ARHGEF10L: variants seen among roughly 807,000 people sequenced by gnomAD.
ARHGEF10L encodes Rho guanine nucleotide exchange factor 10 like.
A neutral mutation model predicts 141.2 loss-of-function variants in ARHGEF10L; 69 were observed. That is an observed-to-expected ratio of 0.49 (90% CI 0.40 to 0.60). The LOEUF (loss-of-function observed/expected upper bound fraction) is 0.60. Among genes scored for constraint, ARHGEF10L ranks in the 20% least tolerant of loss-of-function variants. The pLI is 0.00. For missense variants in ARHGEF10L, 1,482 were observed against 1,734.3 expected (o/e 0.85, Z 2.58); for synonymous variants, 711 against 718.5 (o/e 0.99, Z 0.17).
At chr1:17,545,702 A>G (rs993844943) in intron 1 of ARHGEF10L, among the ~76,000 whole-genome samples, 2 of 152,198 alleles carry the variant, frequency 1.3e-5, no homozygotes, top group African/African-American at 4.8e-5. Context: ...TGACCTGTCC[A>G]TATGGATTCA....
intron 9 of ARHGEF10L, among the ~76,000 whole-genome samples, chr1:17,617,039 G>A (rs1273433951): frequency 6.6e-6 from 1 of 152,182 alleles, no homozygotes; most frequent in Non-Finnish European, 1.5e-5. Context: ...AATAGGCACA[G>A]AGAGGTTGTG....
chr1:17,571,949 C>T (rs2078019687), intron 1 of ARHGEF10L, among the ~76,000 whole-genome samples: 1 of 152,270 alleles, frequency 6.6e-6, no homozygotes, highest in Admixed American at 6.5e-5. Context: ...TCCCTTCCCT[C>T]CTTACCCCAT....
chr1:17,622,939 C>T, intron 11 of ARHGEF10L, 57 bp from the exon 12 acceptor site: 1 of 1,547,690 alleles, frequency 6.5e-7, no homozygotes, highest in Non-Finnish European at 8.7e-7. Context: ...TGCATGAGGG[C>T]AGGTAGGGAG....
chr1:17,697,066 C>T lies in ARHGEF10L; in HGVS notation c.3526C>T (p.Arg1176Cys), dbSNP rs779933607. 59 of 1,604,376 alleles carry T rather than the reference C, an allele frequency of 3.7e-5. No homozygotes were observed. Among genetic ancestry groups the T allele is most frequent in the Non-Finnish European group, 4.9e-5 (57 of 1,174,614 alleles). Reference protein sequence around the residue: ...TRKKGILLQYRLRSTAHLPGP... With the variant: ...TRKKGILLQYCLRSTAHLPGP... ...CAAGAAGGGCATCCTCTTGCAGTACCGCCTGCGCTCCACCGCACACCTCCC... is the reference window on the plus strand; with the variant it reads ...CAAGAAGGGCATCCTCTTGCAGTACTGCCTGCGCTCCACCGCACACCTCCC... The change falls in exon 29 of 29, where the codon CGC becomes TGC. Residue 1176 changes from arginine to cysteine, a missense_variant. Transcript: ENST00000361221. The surrounding 1 kb of genome is among the most constrained non-coding windows in gnomAD (Gnocchi z 4.8).
At chr1:17,574,980 A>G (rs1337524242) in intron 1 of ARHGEF10L, among the ~76,000 whole-genome samples, 1 of 152,172 alleles carries the variant, frequency 6.6e-6, no homozygotes, top group Admixed American at 6.5e-5. Flanking sequence ...CCGAAGCCCC[A>G]CACAAGCAGC....
At chr1:17,518,618 C>T in the ARHGEF10L span, among the ~76,000 whole-genome samples, 1 of 151,138 alleles carries the variant, frequency 6.6e-6, no homozygotes, top group Non-Finnish European at 1.5e-5. Flanking sequence ...ATGGTGAAAC[C>T]CCGTCTCTAT....
chr1:17,687,867 T>A, intron 27 of ARHGEF10L, 120 bp downstream of exon 27: 1 of 1,118,014 alleles, frequency 8.9e-7, no homozygotes, highest in Non-Finnish European at 1.2e-6. Flanking sequence ...ACTGGGGCTT[T>A]AATTTGGGGC....
chr1:17,599,060 C>G (rs542492141), intron 4 of ARHGEF10L, among the ~76,000 whole-genome samples: 5 of 152,168 alleles, frequency 3.3e-5, no homozygotes, highest in African/African-American at 1.2e-4. Flanking sequence ...ATTAAATGTG[C>G]AGGTCGGGCT....
In ARHGEF10L at chr1:17,655,977, T is replaced by C; in HGVS notation, c.2580T>C (p.Pro860=). 3 of 1,566,402 alleles carry C rather than the reference T, an allele frequency of 1.9e-6. No individual in the cohort carries two copies. Among genetic ancestry groups the C allele is most frequent in the Middle Eastern group, 1.8e-4 (1 of 5,446 alleles). ...RTVKSFPLAA[P]VLCMEYIPEL... ...TCAAGTCCTTCCCACTGGCAGCCCCTGTGCTCTGCATGGAGTATATCCCGG... is the reference window on the plus strand; with the variant it reads ...TCAAGTCCTTCCCACTGGCAGCCCCCGTGCTCTGCATGGAGTATATCCCGG... Residue 860 remains proline, a synonymous_variant, in exon 24 of 29, where the codon CCT becomes CCC. Transcript: ENST00000361221.
At chr1:17,569,583 T>C (rs2077905332) in intron 1 of ARHGEF10L, among the ~76,000 whole-genome samples, 1 of 152,142 alleles carries the variant, frequency 6.6e-6, no homozygotes, top group South Asian at 2.1e-4. Context: ...CAGACAGAGA[T>C]TGGGCCTGAA....
the ARHGEF10L span, among the ~76,000 whole-genome samples, chr1:17,514,347 G>T: frequency 5.3e-5 from 8 of 151,876 alleles, no homozygotes; most frequent in Non-Finnish European, 1.0e-4. Context: ...TGTTGGCCAG[G>T]CTGGTCTTGA....
At chr1:17,691,209 C>T (rs871089) in intron 27 of ARHGEF10L, 373,077 of 436,206 alleles carry the variant, frequency 0.86, 159,881 homozygotes, top group East Asian at 0.91. Context: ...TGAACACTGC[C>T]GCATTAAGTC....
At chr1:17,554,371 TG>T (rs2077224038) in intron 1 of ARHGEF10L, among the ~76,000 whole-genome samples, 1 of 151,984 alleles carries the variant, frequency 6.6e-6, no homozygotes, top group South Asian at 2.1e-4. Context: ...AGGATGCGGC[TG>T]GCAGGGAGGG....
chr1:17,674,733 T>C (rs1353193452), intron 26 of ARHGEF10L, among the ~76,000 whole-genome samples: 1 of 152,222 alleles, frequency 6.6e-6, no homozygotes, highest in Admixed American at 6.5e-5. Flanking sequence ...ATGATGGTCC[T>C]ATACGATTAC....
In ARHGEF10L at chr1:17,656,076, C is replaced by G; in HGVS notation, c.2679C>G (p.Thr893=). 1 of 1,556,594 alleles carries G rather than the reference C, an allele frequency of 6.4e-7. No homozygotes were observed. The highest frequency in any genetic ancestry group is 1.2e-5 in the South Asian group (1 of 84,400). Reference sequence around the variant, plus strand: ...ACCCCTCGGCCACGGTGCATCCAACCATCTGCCTCGGGCTCCAGGATGGCA... The same window carrying G: ...ACCCCTCGGCCACGGTGCATCCAACGATCTGCCTCGGGCTCCAGGATGGCA... The part of the protein sequence containing the change: ...VADPSATVHP[T]ICLGLQDGSI... Residue 893 remains threonine, a synonymous_variant, in exon 24 of 29, where the codon ACC becomes ACG. Transcript: ENST00000361221. The surrounding 1 kb of genome is among the most constrained non-coding windows in gnomAD (Gnocchi z 4.9).
chr1:17,639,615 C>T lies in ARHGEF10L; in HGVS notation c.2172-587C>T. On this transcript the variant is annotated intron_variant, in intron 20 of 28. Coordinates refer to ENST00000361221, the MANE Select transcript of ARHGEF10L (RefSeq NM_018125.4). The surrounding 1 kb of genome is among the most constrained non-coding windows in gnomAD (Gnocchi z 4.3). ...CACCCTAGAGGCTTGTGACACTGCCCTGCCCACCTCCCAAAGGGCTGGGAA... is the reference window on the plus strand; with the variant it reads ...CACCCTAGAGGCTTGTGACACTGCCTTGCCCACCTCCCAAAGGGCTGGGAA... 2.8e-6 allele frequency: 1 copy of T among 363,276 alleles called. No individual in the cohort carries two copies. The highest frequency in any genetic ancestry group is 2.1e-5 in the South Asian group (1 of 48,564). 22.5% of individuals were successfully genotyped at this position (363,276 alleles called of 1,614,324 possible). A position where few individuals can be genotyped will look rare whatever the true frequency, so the allele number is the denominator to read the frequency against.
At chr1:17,667,063 G>A (rs2063029961) in intron 26 of ARHGEF10L, among the ~76,000 whole-genome samples, 3 of 152,184 alleles carry the variant, frequency 2.0e-5, no homozygotes, top group Admixed American at 1.3e-4. Flanking sequence ...CCTCACAGCA[G>A]GTCTGACTGC....
chr1:17,588,397 G>A (rs1346070980), intron 3 of ARHGEF10L, 49 bp from the exon 4 acceptor site: 16 of 1,608,928 alleles, frequency 9.9e-6, no homozygotes, highest in Admixed American at 8.3e-5. Context: ...CTGAGTGCCT[G>A]GGGCCAGCCT....
In ARHGEF10L at chr1:17,664,670, G is replaced by A. The variant is rs557507973; in HGVS notation, c.3009+75G>A. ...GCTGACCCTTTCTTATGTCCACCCC[G>A]GCACCGCTTTCAGCTCCCAGTGGCA... On this transcript the variant is annotated intron_variant, in intron 26 of 28. Transcript: ENST00000361221. 16 of 1,406,908 alleles carry A rather than the reference G, an allele frequency of 1.1e-5. No homozygotes were observed. In the East Asian group the frequency reaches 2.2e-4, roughly 19 times the overall value. The allele number at this position is 1,406,908 out of a possible 1,614,324, so 87.2% of individuals were successfully genotyped here. A position where few individuals can be genotyped will look rare whatever the true frequency, so the allele number is the denominator to read the frequency against.
Sources: gnomAD v4.1 joint callset for allele counts (sites outside exome capture counted in the v4.1 genomes callset) on GRCh38, gnomAD v4.1.1 for gene constraint, Gnocchi (gnomAD v3.1) non-coding constraint, MANE v1.5 for transcripts, NCBI Gene and HGNC (gene_info 2026-07-23, HGNC 2026-07-21) for gene names.